Variants in MYT1L observed in about 807,000 individuals in gnomAD.
The protein encoded by MYT1L is myelin transcription factor 1 like, also known as myelin transcription factor 1-like protein.
Under a neutral mutation model 126.7 loss-of-function variants are expected in MYT1L, and 12 were observed. The ratio of observed to expected loss-of-function variants is 0.09; its 90% CI spans 0.06 to 0.15. MYT1L has a LOEUF of 0.15. Ranked by LOEUF, MYT1L falls within the 10% of genes least tolerant of loss-of-function variation. The pLI, the probability that MYT1L is intolerant of heterozygous loss-of-function variation, is 1.00. For missense variants in MYT1L, 979 were observed against 1,585.2 expected, an observed-to-expected ratio of 0.62 and a Z score of 6.49; for synonymous variants, 541 against 604.2, an observed-to-expected ratio of 0.90 and a Z score of 1.53.
At chr2:2,189,852 GCGTTCTCAGGACCGCACGGGGAGAAGCT>G (rs1393894428) in intron 2 of MYT1L, among the ~76,000 whole-genome samples, 251 of 139,234 alleles carry the variant, frequency 1.8e-3, no homozygotes, top group Middle Eastern at 3.5e-3. Context: ...GGGAGAAGCA[GCGTTCTCAGGACCGCACGGGGAGAAGCT>G]CGTTCTCAGG....
intron 3 of MYT1L, among the ~76,000 whole-genome samples, chr2:2,134,232 T>C (rs924220261): frequency 6.6e-6 from 1 of 152,194 alleles, no homozygotes; most frequent in Non-Finnish European, 1.5e-5. Context: ...AGGTTCATTG[T>C]TTCTTACATC....
chr2:2,233,163 C>T (rs958430208), intron 2 of MYT1L, among the ~76,000 whole-genome samples: 1 of 152,232 alleles, frequency 6.6e-6, no homozygotes, highest in Non-Finnish European at 1.5e-5. Context: ...GCACATTTCA[C>T]ATCTTGGAAA....
chr2:2,251,397 AG>A (rs1380877592), intron 2 of MYT1L, among the ~76,000 whole-genome samples: 1 of 152,152 alleles, frequency 6.6e-6, no homozygotes, highest in Non-Finnish European at 1.5e-5. Context: ...CAGTTCTTTC[AG>A]GGTTTCCGCC....
At position 1,943,070 on chromosome 2, in the gene MYT1L, ATCCTCCTCCTCGATCTCC is replaced by A; in HGVS notation, c.399_416del (p.Glu133_Glu138del). ...CTTCTCCATCCTCGTCATCGTCCTC[ATCCTCCTCCTCGATCTCC>A]TCCTCCTCCTCCCGGTCCCCCTCCT... On this transcript the variant is annotated inframe_deletion, in exon 9 of 25. Coordinates refer to ENST00000647738, the MANE Select transcript of MYT1L (RefSeq NM_001303052.2). This position sits in a 1 kb window ranked among gnomAD's most constrained non-coding sequence, Gnocchi z 4.4. The A allele has an allele frequency of 4.1e-6, 6 of 1,450,996 alleles. No homozygotes were observed. Among genetic ancestry groups the A allele is most frequent in the Non-Finnish European group, 5.7e-6 (6 of 1,059,026 alleles). The allele number at this position is 1,450,996 out of a possible 1,614,324, so 89.9% of individuals were successfully genotyped here.
At chr2:2,169,223 A>C (rs764120390) in intron 3 of MYT1L, among the ~76,000 whole-genome samples, 2 of 152,216 alleles carry the variant, frequency 1.3e-5, no homozygotes, top group Admixed American at 6.6e-5. Context: ...TGAACTACTT[A>C]CAGGAACAGC....
At chr2:2,208,206 G>T (rs2093382224) in intron 2 of MYT1L, among the ~76,000 whole-genome samples, 1 of 152,212 alleles carries the variant, frequency 6.6e-6, no homozygotes, top group African/African-American at 2.4e-5. Flanking sequence ...CATGAGCCCT[G>T]CTGCAAAAGG....
intron 3 of MYT1L, among the ~76,000 whole-genome samples, chr2:2,137,208 G>T (rs2083189772): frequency 6.6e-6 from 1 of 152,144 alleles, no homozygotes. Flanking sequence ...ACAAATGGAA[G>T]AACATTCCAT....
intron 3 of MYT1L, among the ~76,000 whole-genome samples, chr2:2,102,964 T>C (rs910532088): frequency 1.3e-5 from 2 of 152,044 alleles, no homozygotes; most frequent in Non-Finnish European, 2.9e-5. Flanking sequence ...TTGAAATCCC[T>C]GTGAAAGTGA....
intron 18 of MYT1L, among the ~76,000 whole-genome samples, chr2:1,866,635 G>A (rs1177690838): frequency 1.1e-5 from 1 of 87,860 alleles, no homozygotes; most frequent in African/African-American, 5.6e-5. Flanking sequence ...GAGGGAGAGG[G>A]AGGGAGAGAG....
At chr2:2,282,632 A>G (rs2149410137) in intron 2 of MYT1L, among the ~76,000 whole-genome samples, 1 of 152,350 alleles carries the variant, frequency 6.6e-6, no homozygotes, top group South Asian at 2.1e-4. Context: ...GGTTTTAGGT[A>G]AAGAATGGTT....
At chr2:1,988,024 A>G (rs2061178778) in intron 5 of MYT1L, among the ~76,000 whole-genome samples, 1 of 152,192 alleles carries the variant, frequency 6.6e-6, no homozygotes. Context: ...TCTTCCTGAA[A>G]GTTGCTCCAA....
chr2:2,203,117 G>A (rs375831325), intron 2 of MYT1L, among the ~76,000 whole-genome samples: 2 of 148,936 alleles, frequency 1.3e-5, no homozygotes, highest in East Asian at 3.9e-4. Flanking sequence ...TTGATGGGAC[G>A]TATCTCAAAA....
chr2:1,832,053 TGTGA>T (rs1381066625), intron 21 of MYT1L, among the ~76,000 whole-genome samples: 2 of 152,222 alleles, frequency 1.3e-5, no homozygotes, highest in African/African-American at 2.4e-5. Context: ...ACTTTTATGG[TGTGA>T]GTATTTGTGT....
intron 2 of MYT1L, among the ~76,000 whole-genome samples, chr2:2,279,588 G>GGAAGGAAGGAAT (rs2095419189): frequency 6.6e-6 from 1 of 150,854 alleles, no homozygotes; most frequent in African/African-American, 2.4e-5. Context: ...AAGGAAGGAA[G>GGAAGGAAGGAAT]GAAGGAAGGA....
In MYT1L at chr2:2,279,568, T is replaced by TGAAGGAAGGAAG. The variant is rs199817306; in HGVS notation, c.-421+4824_-421+4835dup. Among the ~76,000 whole-genome samples the TGAAGGAAGGAAG allele has an allele frequency of 1.6e-3, 229 of 145,082 alleles. 1 individual carries two copies. The highest frequency in any genetic ancestry group is 7.2e-3 in the South Asian group (32 of 4,416). ...GAGAAAGAGAGAAGGAATGAATGAA[T>TGAAGGAAGGAAG]GAAGGAAGGAAGGAAGGAAGGAAGG... On this transcript the variant is annotated intron_variant, in intron 2 of 24. Transcript: ENST00000647738.
chr2:1,950,548 C>T (rs1239105050), intron 8 of MYT1L, among the ~76,000 whole-genome samples: 1 of 146,106 alleles, frequency 6.8e-6, no homozygotes. Flanking sequence ...CACAGAGACA[C>T]AGACAGTTAC....
chr2:1,856,872 C>T (rs982136175), intron 18 of MYT1L, among the ~76,000 whole-genome samples: 1 of 152,226 alleles, frequency 6.6e-6, no homozygotes, highest in African/African-American at 2.4e-5. Flanking sequence ...GCAGAGACTC[C>T]TGGAGACAGA....
chr2:2,026,819 G>GGC (rs1264997174), intron 4 of MYT1L, among the ~76,000 whole-genome samples: 1 of 152,042 alleles, frequency 6.6e-6, no homozygotes. Flanking sequence ...CCTTGTGCGG[G>GGC]GCCCCTCAAC....
At chr2:2,030,940 T>C (rs1333361297) in intron 4 of MYT1L, among the ~76,000 whole-genome samples, 2 of 152,236 alleles carry the variant, frequency 1.3e-5, no homozygotes, top group Non-Finnish European at 2.9e-5. Flanking sequence ...GTATTAAATT[T>C]TGTCTAAAGC....
Sources: gnomAD v4.1 joint callset for allele counts (sites outside exome capture counted in the v4.1 genomes callset) on GRCh38, gnomAD v4.1.1 for gene constraint, Gnocchi (gnomAD v3.1) non-coding constraint, MANE v1.5 for transcripts, NCBI Gene and HGNC (gene_info 2026-07-23, HGNC 2026-07-21) for gene names.